The following C14orf39 variants were observed in gnomAD, a reference collection of about 807,000 sequenced individuals.
C14orf39 encodes protein SIX6OS1.
In C14orf39, 66 loss-of-function variants were observed where a neutral mutation model predicts 85.6. The ratio of observed to expected loss-of-function variants is 0.77; its 90% CI spans 0.63 to 0.95. C14orf39 has a LOEUF of 0.95. Among genes scored for constraint, C14orf39 ranks in the 40% least tolerant of loss-of-function variants. The pLI, the probability that C14orf39 is intolerant of heterozygous loss-of-function variation, is 0.00. For missense variants in C14orf39, 735 were observed against 663.9 expected (o/e 1.11, Z -1.18); for synonymous variants, 242 against 214.0 (o/e 1.13, Z -1.14).
intron 1 of C14orf39, among the ~76,000 whole-genome samples, chr14:60,507,794 G>A (rs930674805): frequency 1.2e-4 from 19 of 152,270 alleles, no homozygotes; most frequent in Admixed American, 1.2e-3. Context: ...GTCCAGTCCA[G>A]TTCGGCTGTG....
At chr14:60,488,791 A>T (rs1892942139), upstream of C14orf39, among the ~76,000 whole-genome samples, 1 of 152,016 alleles carries the variant, frequency 6.6e-6, no homozygotes. Flanking sequence ...CAACATTTTA[A>T]TTCCAAATCT....
intron 1 of C14orf39, among the ~76,000 whole-genome samples, chr14:60,513,308 A>G (rs1032306587): frequency 9.2e-5 from 14 of 152,138 alleles, no homozygotes; most frequent in African/African-American, 3.4e-4. Flanking sequence ...CTTCCTCAGT[A>G]CTTAATTTTG....
At chr14:60,482,494 A>C (rs1239844454) in intron 4 of C14orf39, among the ~76,000 whole-genome samples, 1 of 152,190 alleles carries the variant, frequency 6.6e-6, no homozygotes. Context: ...TTACTGCATA[A>C]AATTTTGTTC....
rs545232434 is a variant in C14orf39 at position 60,448,799 on chromosome 14, A to T, written c.1503+6202T>A. ...ACCAACCCAAATGTCCATCAACATC[A>T]ATGATAGAATGGATTAAGAAAATGT... is the stretch of plus-strand genomic sequence containing the variant. On this transcript the variant is annotated intron_variant, in intron 16 of 17. Coordinates refer to ENST00000321731, the MANE Select transcript of C14orf39 (RefSeq NM_174978.3). Among the ~76,000 whole-genome samples, 8 of 152,328 alleles carry T rather than the reference A, an allele frequency of 5.3e-5. No homozygotes were observed. The South Asian group carries it at 1.7e-3, about 32-fold the overall frequency.
intron 13 of C14orf39, 78 bp downstream of exon 13, chr14:60,461,276 A>C: frequency 7.9e-7 from 1 of 1,258,498 alleles, no homozygotes; most frequent in South Asian, 1.3e-5. Flanking sequence ...TAATCGAAAC[A>C]ATTTATTTGA....
intron 1 of C14orf39, chr14:60,509,923 G>T: frequency 6.2e-7 from 1 of 1,611,022 alleles, no homozygotes; most frequent in Non-Finnish European, 8.5e-7. Flanking sequence ...TGGGCAACTG[G>T]TTCAAAAACC....
intron 2 of C14orf39, chr14:60,496,352 T>C: frequency 5.7e-6 from 2 of 349,826 alleles, no homozygotes; most frequent in South Asian, 5.3e-5. Context: ...AAGAGTCACA[T>C]TTGTGTTGGC....
chr14:60,509,114 C>T, intron 1 of C14orf39: 1 of 493,076 alleles, frequency 2.0e-6, no homozygotes, highest in Non-Finnish European at 3.6e-6. Flanking sequence ...AGGGGGTCTC[C>T]ATGGCGCCCG....
chr14:60,485,598 C>G (rs1361401966), intron 1 of C14orf39, among the ~76,000 whole-genome samples: 1 of 152,192 alleles, frequency 6.6e-6, no homozygotes, highest in African/African-American at 2.4e-5. Context: ...TTTCACAGAA[C>G]AGCCAATTCG....
chr14:60,485,471 A>G (rs1892840519), intron 1 of C14orf39, among the ~76,000 whole-genome samples: 1 of 152,246 alleles, frequency 6.6e-6, no homozygotes, highest in Non-Finnish European at 1.5e-5. Flanking sequence ...TGGCGTGTGT[A>G]CAACCACGTG....
At position 60,457,125 on chromosome 14, in the gene C14orf39, A is replaced by T. The variant is rs777286448; in HGVS notation, c.1180-30T>A. 8 of 1,421,394 alleles carry T rather than the reference A, an allele frequency of 5.6e-6. No individual in the cohort carries two copies. The South Asian group carries it at 1.1e-4, about 20-fold the overall frequency. The allele number at this position is 1,421,394 out of a possible 1,614,324, so 88.0% of individuals were successfully genotyped here. A position where few individuals can be genotyped will look rare whatever the true frequency, so the allele number is the denominator to read the frequency against. ...AAATTCAAAGTAACAGAAAACTATA[A>T]AACAAATGCTGCTGCATTAATGACA... On this transcript the variant is annotated intron_variant, in intron 14 of 17. Transcript: ENST00000321731.
intron 17 of C14orf39, among the ~76,000 whole-genome samples, chr14:60,437,281 T>C (rs1890298494): frequency 6.6e-6 from 1 of 151,962 alleles, no homozygotes; most frequent in African/African-American, 2.4e-5. Context: ...AACTCTAGTA[T>C]ATAAAGAACT....
At chr14:60,464,733 T>C (rs1891702064) in intron 11 of C14orf39, among the ~76,000 whole-genome samples, 1 of 152,146 alleles carries the variant, frequency 6.6e-6, no homozygotes, top group Non-Finnish European at 1.5e-5. Context: ...TGTCAAGTTG[T>C]TTCCGCTCTT....
At chr14:60,514,918 G>A (rs1258286565) in intron 1 of C14orf39, among the ~76,000 whole-genome samples, 2 of 152,310 alleles carry the variant, frequency 1.3e-5, no homozygotes, top group African/African-American at 2.4e-5. Context: ...GGGGCTGTCA[G>A]GCGGCTCTGC....
rs1325972206 is a variant in C14orf39, at chr14:60,484,990, A to T, written c.49+40T>A. 6.3e-7 allele frequency: 1 copy of T among 1,585,738 alleles called. No individual in the cohort carries two copies. Among genetic ancestry groups the T allele is most frequent in the Non-Finnish European group, 8.6e-7 (1 of 1,169,308 alleles). ...CAATTCATTGTTAAAATATCAAATG[A>T]TCATACAAAAAGCTACCTATTTTTT... On this transcript the variant is annotated intron_variant, in intron 2 of 17. Coordinates refer to ENST00000321731, the MANE Select transcript of C14orf39 (RefSeq NM_174978.3). This position sits in a 1 kb window ranked among gnomAD's most constrained non-coding sequence, Gnocchi z 4.2.
chr14:60,491,400 T>G lies in C14orf39; in HGVS notation c.-8-6314A>C, dbSNP rs1397096102. On this transcript the variant is annotated intron_variant, in intron 2 of 5. Transcript: ENST00000556799. This position sits in a 1 kb window ranked among gnomAD's most constrained non-coding sequence, Gnocchi z 4.5. ...AAGCCCTCATCACGCCTCTTAATAC[T>G]ATTACATTAGGGATTAAGTTTCAAC... Among the ~76,000 whole-genome samples the G allele has an allele frequency of 6.6e-6, 1 of 152,218 alleles. No homozygotes were observed. Among genetic ancestry groups the G allele is most frequent in the Non-Finnish European group, 1.5e-5 (1 of 68,046 alleles).
Position 60,436,633 on chromosome 14 carries a change from A to C in C14orf39, c.*212T>G. The C allele has an allele frequency of 2.8e-6, 1 of 355,306 alleles. No homozygotes were observed. Among genetic ancestry groups the C allele is most frequent in the Non-Finnish European group, 5.0e-6 (1 of 201,844 alleles). 22.0% of individuals were successfully genotyped at this position (355,306 alleles called of 1,614,324 possible). A position where few individuals can be genotyped will look rare whatever the true frequency, so the allele number is the denominator to read the frequency against. On this transcript the variant is annotated 3_prime_UTR_variant, in exon 18 of 18. Transcript: ENST00000321731. Reference sequence around the variant, plus strand: ...AGTTCTACCTGACCACGGCTCGCAAAATCAAAACCAAAATAAATAATGATT... The same window carrying C: ...AGTTCTACCTGACCACGGCTCGCAACATCAAAACCAAAATAAATAATGATT...
intron 17 of C14orf39, among the ~76,000 whole-genome samples, chr14:60,440,121 C>T (rs977113451): frequency 7.2e-5 from 11 of 152,160 alleles, no homozygotes; most frequent in African/African-American, 2.2e-4. Flanking sequence ...AGATGGCAGA[C>T]ATTTAATAAA....
chr14:60,471,533 A>G lies in C14orf39; in HGVS notation c.511+19T>C, dbSNP rs759629052. Reference sequence around the variant, plus strand: ...ACAAAGATATCATAATTAAAACAATATAACAAAAATATTAATACCTCGAAA... The same window carrying G: ...ACAAAGATATCATAATTAAAACAATGTAACAAAAATATTAATACCTCGAAA... On this transcript the variant is annotated intron_variant, in intron 6 of 17. Coordinates refer to ENST00000321731, the MANE Select transcript of C14orf39 (RefSeq NM_174978.3). The G allele has an allele frequency of 2.5e-6, 4 of 1,580,040 alleles. No individual in the cohort carries two copies. Among genetic ancestry groups the G allele is most frequent in the South Asian group, 2.3e-5 (2 of 85,942 alleles).
Sources: gnomAD v4.1 joint callset for allele counts (sites outside exome capture counted in the v4.1 genomes callset) on GRCh38, gnomAD v4.1.1 for gene constraint, Gnocchi (gnomAD v3.1) non-coding constraint, MANE v1.5 for transcripts, NCBI Gene and HGNC (gene_info 2026-07-23, HGNC 2026-07-21) for gene names.